Variants in SLC17A8 observed in about 807,000 individuals in gnomAD.
SLC17A8 encodes solute carrier family 17 member 8, also known as vesicular glutamate transporter 3.
SLC17A8 carries 31 observed loss-of-function variants against 58.0 expected under a neutral mutation model. That is an observed-to-expected ratio of 0.53 (90% CI 0.40 to 0.72). SLC17A8 has a LOEUF of 0.72. SLC17A8 is among the 30% of genes least tolerant of loss of function. SLC17A8 has a pLI of 0.00. For missense variants in SLC17A8, 655 were observed against 727.8 expected (o/e 0.90, Z 1.15); for synonymous variants, 228 against 249.0 (o/e 0.92, Z 0.79).
chr12:100,358,630 C>G (rs1399377247), intron 1 of SLC17A8, among the ~76,000 whole-genome samples: 2 of 152,148 alleles, frequency 1.3e-5, no homozygotes. Flanking sequence ...AGATGAAAAC[C>G]TAGCTCAGTG....
intron 4 of SLC17A8, among the ~76,000 whole-genome samples, chr12:100,394,564 G>A (rs1952739584): frequency 1.3e-5 from 2 of 150,424 alleles, no homozygotes; most frequent in Admixed American, 1.3e-4. Context: ...ACCACACCCG[G>A]CTAATTTTTT....
chr12:100,380,312 G>A (rs1592993295), intron 1 of SLC17A8, among the ~76,000 whole-genome samples: 1 of 151,850 alleles, frequency 6.6e-6, no homozygotes, highest in South Asian at 2.1e-4. Context: ...ATGCAGTATA[G>A]CATATTGTTT....
At chr12:100,368,003 A>G (rs1952532229) in intron 1 of SLC17A8, among the ~76,000 whole-genome samples, 2 of 152,250 alleles carry the variant, frequency 1.3e-5, no homozygotes. Flanking sequence ...CAAGAACCGT[A>G]TTAGCAGTTT....
In SLC17A8 at chr12:100,363,515, C is replaced by T. The variant is rs1278946687; in HGVS notation, c.101+6023C>T. On this transcript the variant is annotated intron_variant, in intron 1 of 11. Transcript: ENST00000323346. ...CCTGAATAGTGGGATTACGGGCACC[C>T]ACCACCATGCCCGGCTAATTTTGTA... Among the ~76,000 whole-genome samples the T allele has an allele frequency of 3.3e-5, 5 of 152,166 alleles. No homozygotes were observed. The East Asian group carries it at 9.7e-4, about 30-fold the overall frequency.
intron 9 of SLC17A8, among the ~76,000 whole-genome samples, chr12:100,406,538 AT>A (rs142080424): frequency 2.7e-3 from 387 of 141,876 alleles, no homozygotes; most frequent in Middle Eastern, 7.4e-3. Flanking sequence ...ATATGATCTC[AT>A]TTTTTTTTTT....
At chr12:100,398,858 C>A (rs902893146) in intron 5 of SLC17A8, among the ~76,000 whole-genome samples, 10 of 152,080 alleles carry the variant, frequency 6.6e-5, no homozygotes, top group Middle Eastern at 3.2e-3. Flanking sequence ...CTCATGAGAT[C>A]TGATGGTTTT....
At chr12:100,410,884 C>T (rs1952862876) in intron 9 of SLC17A8, among the ~76,000 whole-genome samples, 1 of 152,114 alleles carries the variant, frequency 6.6e-6, no homozygotes. Flanking sequence ...TTGAGCTGTG[C>T]CCATGTGCCA....
chr12:100,386,293 T>C (rs544185797), intron 2 of SLC17A8, among the ~76,000 whole-genome samples: 3 of 152,176 alleles, frequency 2.0e-5, no homozygotes, highest in Admixed American at 6.5e-5. Flanking sequence ...TTTATAATTT[T>C]AAAAAATTTT....
Position 100,380,874 on chromosome 12 carries a change from T to G in SLC17A8, c.275T>G (p.Ile92Ser). 1 of 1,614,164 alleles carries G rather than the reference T, an allele frequency of 6.2e-7. No individual in the cohort carries two copies. The highest frequency in any genetic ancestry group is 8.5e-7 in the Non-Finnish European group (1 of 1,180,038). The change falls in exon 2 of 12, where the codon ATC (isoleucine) becomes AGC (serine). Residue 92 changes from isoleucine (I) to serine (S), a missense_variant. Ile to Ser is a moderately radical substitution (Grantham distance 142). Transcript: ENST00000323346. The part of the protein sequence containing the change: ...SGLGFCISFG[I>S]RCNLGVAIVE... ...CTGGGATTCTGCATTTCCTTTGGGA[T>G]CCGGTGCAATCTTGGAGTTGCCATT...
In SLC17A8 at chr12:100,391,015, C is replaced by T. The variant is rs748559123; in HGVS notation, c.369C>T (p.Asn123=). 4 of 1,610,950 alleles carry T rather than the reference C, an allele frequency of 2.5e-6. No homozygotes were observed. The highest frequency in any genetic ancestry group is 2.7e-5 in the African/African-American group (2 of 74,864). Residue 123 remains asparagine (N), a synonymous_variant, in exon 3 of 12, where the codon AAC becomes AAT. Transcript: ENST00000323346. ...CTCATTTCCAGACAGCACAGTTTAA[C>T]TGGGATCCAGAAACAGTGGGCCTTA... The part of the protein sequence containing the change: ...GKPEIQTAQF[N]WDPETVGLIH...
rs1185421541 is a variant in SLC17A8, at chr12:100,421,368, C to T, written c.*1209C>T. The T allele has an allele frequency of 6.6e-6, 1 of 151,960 alleles. No individual in the cohort carries two copies. Among genetic ancestry groups the T allele is most frequent in the Non-Finnish European group, 1.5e-5 (1 of 67,986 alleles). The allele number at this position is 151,960 out of a possible 1,614,324, so 9.4% of individuals were successfully genotyped here. ...TGATGACTCTATTTGGAATGATATT[C>T]AGGGAAATCACAATAATATAGCAGT... is the stretch of plus-strand genomic sequence containing the variant. On this transcript the variant is annotated 3_prime_UTR_variant, in exon 12 of 12. Coordinates refer to ENST00000323346, the MANE Select transcript of SLC17A8 (RefSeq NM_139319.3).
Position 100,357,367 on chromosome 12 carries a change from G to T in SLC17A8, c.-25G>T. 7.8e-7 allele frequency: 1 copy of T among 1,278,928 alleles called. No individual in the cohort carries two copies. The highest frequency in any genetic ancestry group is 1.5e-5 in the African/African-American group (1 of 68,262). The allele number at this position is 1,278,928 out of a possible 1,614,324, so 79.2% of individuals were successfully genotyped here. A position where few individuals can be genotyped will look rare whatever the true frequency, so the allele number is the denominator to read the frequency against. On this transcript the variant is annotated 5_prime_UTR_variant, in exon 1 of 12. Coordinates refer to ENST00000323346, the MANE Select transcript of SLC17A8 (RefSeq NM_139319.3). ...ACAGTTTTTGAGACTGACTGTTAAC[G>T]GCTCAGAGGTGCCCCTCATTCAAAA...
At chr12:100,367,448 A>C (rs1952527311) in intron 1 of SLC17A8, among the ~76,000 whole-genome samples, 1 of 152,230 alleles carries the variant, frequency 6.6e-6, no homozygotes, top group Non-Finnish European at 1.5e-5. Flanking sequence ...TTTATATAAC[A>C]ATGAAGGAAA....
At chr12:100,405,595 G>A (rs1952821201) in intron 9 of SLC17A8, among the ~76,000 whole-genome samples, 1 of 152,134 alleles carries the variant, frequency 6.6e-6, no homozygotes, top group Non-Finnish European at 1.5e-5. Context: ...AGCTGGAGAA[G>A]ACAAGAAGAG....
At chr12:100,419,364 C>T (rs1241057036) in intron 11 of SLC17A8, among the ~76,000 whole-genome samples, 1 of 151,982 alleles carries the variant, frequency 6.6e-6, no homozygotes, top group African/African-American at 2.4e-5. Context: ...GAAACCCCGC[C>T]TCTACTAAAA....
chr12:100,390,984 T>C lies in SLC17A8; in HGVS notation c.355-17T>C. On this transcript the variant is annotated splice_polypyrimidine_tract_variant and intron_variant, in intron 2 of 11. Coordinates refer to ENST00000323346, the MANE Select transcript of SLC17A8 (RefSeq NM_139319.3). Reference sequence around the variant, plus strand: ...TTTTTCTAACAAACACAACTATATCTGATTTCTCATTTCCAGACAGCACAG... The same window carrying C: ...TTTTTCTAACAAACACAACTATATCCGATTTCTCATTTCCAGACAGCACAG... 6.5e-7 allele frequency: 1 copy of C among 1,545,280 alleles called. No homozygotes were observed. Among genetic ancestry groups the C allele is most frequent in the African/African-American group, 1.4e-5 (1 of 73,696 alleles).
At chr12:100,409,651 AG>A (rs1429992591) in intron 9 of SLC17A8, among the ~76,000 whole-genome samples, 13 of 152,166 alleles carry the variant, frequency 8.5e-5, no homozygotes, top group African/African-American at 3.1e-4. Context: ...GGGTAGGGAG[AG>A]GGTTGTTAGG....
chr12:100,378,627 GGTGGGGATTTCTGGA>G (rs1952610745), intron 1 of SLC17A8, among the ~76,000 whole-genome samples: 1 of 152,098 alleles, frequency 6.6e-6, no homozygotes, highest in South Asian at 2.1e-4. Flanking sequence ...GAAGCGTGGG[GGTGGGGATTTCTGGA>G]GCAATATTCG....
intron 1 of SLC17A8, among the ~76,000 whole-genome samples, chr12:100,366,689 A>G (rs1295903452): frequency 1.3e-5 from 2 of 152,202 alleles, no homozygotes; most frequent in Non-Finnish European, 2.9e-5. Context: ...TCTGGCCTAG[A>G]AACTGGGCAA....
Sources: allele counts gnomAD v4.1 joint callset (sites outside exome capture counted in the v4.1 genomes callset), GRCh38; gene constraint gnomAD v4.1.1; transcripts MANE v1.5; gene names NCBI Gene and HGNC (gene_info 2026-07-23, HGNC 2026-07-21).